Variants in RAB6A observed in about 807,000 individuals in gnomAD.
The protein encoded by RAB6A is ras-related protein Rab-6A.
RAB6A carries 8 observed loss-of-function variants against 32.3 expected under a neutral mutation model. The ratio of observed to expected loss-of-function variants is 0.25; its 90% CI spans 0.15 to 0.45. The LOEUF (loss-of-function observed/expected upper bound fraction) is 0.45, where lower values mean the gene tolerates loss of function less well. RAB6A is among the 20% of genes least tolerant of loss of function. The pLI, the probability that RAB6A is intolerant of heterozygous loss-of-function variation, is 1.00. For synonymous variants in RAB6A, 73 were observed against 82.1 expected, an observed-to-expected ratio of 0.89 and a Z score of 0.60; for missense variants, 104 against 249.4, an observed-to-expected ratio of 0.42 and a Z score of 3.93.
chr11:73,728,998 GAT>G (rs1266826444), intron 2 of RAB6A, among the ~76,000 whole-genome samples: 3 of 152,024 alleles, frequency 2.0e-5, no homozygotes, highest in Non-Finnish European at 4.4e-5. Context: ...TTCTTCTTGA[GAT>G]AGTTTTAGTA....
intron 1 of RAB6A, among the ~76,000 whole-genome samples, chr11:73,759,121 T>C (rs985511240): frequency 3.9e-5 from 6 of 152,198 alleles, no homozygotes; most frequent in African/African-American, 1.4e-4. Flanking sequence ...AAGCTACGAA[T>C]TTATATCACT....
chr11:73,758,688 C>T (rs1328423916), intron 1 of RAB6A, among the ~76,000 whole-genome samples: 2 of 152,140 alleles, frequency 1.3e-5, no homozygotes, highest in African/African-American at 4.8e-5. Flanking sequence ...CCTTTTTAGG[C>T]AGGAAGATGA....
chr11:73,721,443 C>T (rs1590861730), intron 2 of RAB6A, among the ~76,000 whole-genome samples: 1 of 152,056 alleles, frequency 6.6e-6, no homozygotes, highest in East Asian at 1.9e-4. Flanking sequence ...TTCCTCTGTA[C>T]CACACAATGA....
intron 3 of RAB6A, chr11:73,719,013 G>A (rs1946095183): frequency 2.4e-6 from 2 of 839,110 alleles, no homozygotes; most frequent in Non-Finnish European, 3.6e-6. Context: ...ACTCATGCAA[G>A]AGGTTGCAGG....
chr11:73,742,272 ACT>A (rs1433460559), intron 1 of RAB6A, among the ~76,000 whole-genome samples: 4 of 151,980 alleles, frequency 2.6e-5, no homozygotes, highest in South Asian at 2.1e-4. Context: ...ACAGAGCGAG[ACT>A]CTGTCTCAAA....
intron 1 of RAB6A, among the ~76,000 whole-genome samples, chr11:73,750,454 C>CAA (rs1485356680): frequency 6.6e-6 from 1 of 151,654 alleles, no homozygotes. Flanking sequence ...GTTCAAGGTT[C>CAA]AAGCAATTCT....
intron 5 of RAB6A, among the ~76,000 whole-genome samples, chr11:73,712,009 A>G (rs1945964743): frequency 6.6e-6 from 1 of 152,062 alleles, no homozygotes; most frequent in Non-Finnish European, 1.5e-5. Flanking sequence ...TATTTGGGAT[A>G]TTAGCCATTT....
intron 6 of RAB6A, among the ~76,000 whole-genome samples, chr11:73,684,326 A>T (rs977839128): frequency 6.6e-6 from 1 of 151,968 alleles, no homozygotes; most frequent in Admixed American, 6.6e-5. Flanking sequence ...CGGCCACCAC[A>T]TCTGGCTAAA....
At chr11:73,704,883 C>G (rs1945811013) in intron 6 of RAB6A, among the ~76,000 whole-genome samples, 1 of 151,700 alleles carries the variant, frequency 6.6e-6, no homozygotes, top group Non-Finnish European at 1.5e-5. Flanking sequence ...GTAGTCCCAG[C>G]TGCTCGGGAG....
chr11:73,709,913 A>G (rs892420729), intron 5 of RAB6A, among the ~76,000 whole-genome samples: 1 of 144,272 alleles, frequency 6.9e-6, no homozygotes, highest in Non-Finnish European at 1.5e-5. Context: ...ACATATATAC[A>G]TATATATACA....
At chr11:73,726,581 CAAAAA>C (rs60281561) in intron 2 of RAB6A, among the ~76,000 whole-genome samples, 26 of 29,860 alleles carry the variant, frequency 8.7e-4, no homozygotes, top group East Asian at 3.7e-3. Context: ...GACTCTGTCT[CAAAAA>C]AAAAAAAAAA....
intron 2 of RAB6A, among the ~76,000 whole-genome samples, chr11:73,727,474 T>A (rs1946240407): frequency 6.7e-6 from 1 of 149,230 alleles, no homozygotes. Context: ...AAGAATGGAG[T>A]CACCATCCAT....
At chr11:73,760,494 G>A (rs1212307938) in intron 1 of RAB6A, 72 bp downstream of exon 1, 2 of 1,519,380 alleles carry the variant, frequency 1.3e-6, no homozygotes, top group Non-Finnish European at 1.8e-6. Context: ...CTCCGCGGAC[G>A]GAAGGGCCGC....
chr11:73,724,484 G>GTTTT (rs34665371), intron 2 of RAB6A, among the ~76,000 whole-genome samples: 23 of 123,334 alleles, frequency 1.9e-4, no homozygotes, highest in African/African-American at 2.8e-4. Flanking sequence ...AATGCATTTC[G>GTTTT]TTTTTTTTTT....
chr11:73,744,001 A>C (rs60924318), intron 1 of RAB6A, among the ~76,000 whole-genome samples: 3,198 of 152,218 alleles, frequency 0.021, 113 homozygotes, highest in African/African-American at 0.072. Context: ...ACTTGAGCCC[A>C]AAAGTTCAAC....
intron 7 of RAB6A, among the ~76,000 whole-genome samples, chr11:73,678,666 T>C (rs144667239): frequency 1.1e-4 from 17 of 151,570 alleles, no homozygotes; most frequent in Admixed American, 9.2e-4. Context: ...CAATAGAACA[T>C]TTTTTGTTGT....
At chr11:73,723,806 C>G (rs527314479) in intron 2 of RAB6A, among the ~76,000 whole-genome samples, 2 of 151,896 alleles carry the variant, frequency 1.3e-5, no homozygotes, top group African/African-American at 4.8e-5. Context: ...GAGAAAAAAA[C>G]CAGGAAAAGG....
chr11:73,725,848 G>C (rs1268030863), intron 2 of RAB6A, among the ~76,000 whole-genome samples: 1 of 152,160 alleles, frequency 6.6e-6, no homozygotes, highest in African/African-American at 2.4e-5. Context: ...CACAGGACCA[G>C]ATGTTTAAAA....
chr11:73,706,543 A>G (rs2134918421), intron 6 of RAB6A, among the ~76,000 whole-genome samples: 1 of 152,022 alleles, frequency 6.6e-6, no homozygotes, highest in East Asian at 1.9e-4. Context: ...TGGTCCATAA[A>G]TCTTATAAAT....
Sources: gnomAD v4.1 joint callset for allele counts (sites outside exome capture counted in the v4.1 genomes callset) on GRCh38, gnomAD v4.1.1 for gene constraint, MANE v1.5 for transcripts, NCBI Gene and HGNC (gene_info 2026-07-23, HGNC 2026-07-21) for gene names.